The following SOCS2 variants were observed in gnomAD, a reference collection of about 807,000 sequenced individuals.
SOCS2 encodes the protein CIS-2.
Under a neutral mutation model 18.6 loss-of-function variants are expected in SOCS2, and 10 were observed. The ratio of observed to expected loss-of-function variants is 0.54; its 90% CI spans 0.33 to 0.91. SOCS2 has a LOEUF of 0.91. Ranked by LOEUF, SOCS2 falls within the 40% of genes least tolerant of loss-of-function variation. SOCS2 has a pLI of 0.02. For missense variants in SOCS2, 231 were observed against 247.2 expected, an observed-to-expected ratio of 0.93 and a Z score of 0.44; for synonymous variants, 104 against 104.0, an observed-to-expected ratio of 1.00 and a Z score of 0.00.
At chr12:93,624,737 C>A in the SOCS2 span, among the ~76,000 whole-genome samples, 1 of 152,122 alleles carries the variant, frequency 6.6e-6, no homozygotes, top group Admixed American at 6.5e-5. Flanking sequence ...TCAGAAATTG[C>A]TGGAACCCAT....
chr12:93,597,672 G>A, the SOCS2 span, among the ~76,000 whole-genome samples: 1 of 152,178 alleles, frequency 6.6e-6, no homozygotes, highest in East Asian at 1.9e-4. Flanking sequence ...CATCAGAAAA[G>A]TACAGGGAAT....
chr12:93,622,245 T>C, the SOCS2 span, among the ~76,000 whole-genome samples: 5 of 152,230 alleles, frequency 3.3e-5, no homozygotes, highest in African/African-American at 1.2e-4. Flanking sequence ...TAGTGTGCCC[T>C]GATTCTGTGG....
chr12:93,601,966 G>C, the SOCS2 span, among the ~76,000 whole-genome samples: 1 of 152,174 alleles, frequency 6.6e-6, no homozygotes, highest in Admixed American at 6.5e-5. Context: ...ATCACTTGCT[G>C]ATGACCATCA....
At chr12:93,610,687 C>T in the SOCS2 span, among the ~76,000 whole-genome samples, 1 of 152,160 alleles carries the variant, frequency 6.6e-6, no homozygotes, top group African/African-American at 2.4e-5. Flanking sequence ...GCCCTGCCAT[C>T]TCTTTTGCCA....
chr12:93,622,396 C>G, the SOCS2 span, among the ~76,000 whole-genome samples: 1 of 152,164 alleles, frequency 6.6e-6, no homozygotes, highest in Non-Finnish European at 1.5e-5. Flanking sequence ...GACTCTTGCT[C>G]CTTTACTGTT....
the SOCS2 span, among the ~76,000 whole-genome samples, chr12:93,589,291 G>C: frequency 2.0e-4 from 31 of 152,254 alleles, no homozygotes; most frequent in Admixed American, 4.6e-4. Context: ...CCTGTTTTGA[G>C]GTCACCATGT....
the SOCS2 span, among the ~76,000 whole-genome samples, chr12:93,599,254 A>G: frequency 6.6e-6 from 1 of 150,776 alleles, no homozygotes; most frequent in Non-Finnish European, 1.5e-5. Flanking sequence ...CTCAGGCTCA[A>G]GCAATCCTCC....
the SOCS2 span, among the ~76,000 whole-genome samples, chr12:93,606,720 T>G: frequency 1.6e-4 from 25 of 152,182 alleles, no homozygotes; most frequent in Admixed American, 1.6e-3. Context: ...TGGTGCAATC[T>G]TGGCTCACTG....
At chr12:93,594,289 A>G in the SOCS2 span, among the ~76,000 whole-genome samples, 6 of 152,190 alleles carry the variant, frequency 3.9e-5, no homozygotes, top group African/African-American at 1.2e-4. Context: ...GAAAATTGCA[A>G]TAGAACAGTT....
the SOCS2 span, among the ~76,000 whole-genome samples, chr12:93,611,941 C>A: frequency 6.6e-6 from 1 of 152,042 alleles, no homozygotes; most frequent in African/African-American, 2.4e-5. Context: ...TCCCTCTGCT[C>A]AGAGAACTGC....
chr12:93,614,413 CTTTCTTCCTTT>C, the SOCS2 span, among the ~76,000 whole-genome samples: 1 of 127,988 alleles, frequency 7.8e-6, no homozygotes, highest in African/African-American at 3.2e-5. Context: ...TTCTTTCTTT[CTTTCTTCCTTT>C]CTTTCCCTTC....
chr12:93,617,511 C>T, the SOCS2 span, among the ~76,000 whole-genome samples: 1 of 152,060 alleles, frequency 6.6e-6, no homozygotes, highest in Non-Finnish European at 1.5e-5. Context: ...AAAAACACCA[C>T]AGTATGTTAA....
the SOCS2 span, among the ~76,000 whole-genome samples, chr12:93,621,925 G>A: frequency 6.6e-6 from 1 of 152,180 alleles, no homozygotes; most frequent in African/African-American, 2.4e-5. Flanking sequence ...AATAGTGCCT[G>A]ACACATATTA....
At chr12:93,592,855 A>G in the SOCS2 span, among the ~76,000 whole-genome samples, 1 of 147,060 alleles carries the variant, frequency 6.8e-6, no homozygotes, top group East Asian at 2.1e-4. Context: ...ACATGGCTCT[A>G]TGCCTTGACT....
chr12:93,609,323 C>G, the SOCS2 span, among the ~76,000 whole-genome samples: 1 of 151,998 alleles, frequency 6.6e-6, no homozygotes, highest in Non-Finnish European at 1.5e-5. Context: ...ACCCGGGAGA[C>G]AGAGGTTGGG....
the SOCS2 span, among the ~76,000 whole-genome samples, chr12:93,620,207 G>T: frequency 1.3e-5 from 2 of 151,908 alleles, no homozygotes; most frequent in Non-Finnish European, 2.9e-5. Flanking sequence ...TAAACAACTT[G>T]TATCATTTTC....
At chr12:93,613,051 C>T in the SOCS2 span, among the ~76,000 whole-genome samples, 2 of 152,164 alleles carry the variant, frequency 1.3e-5, no homozygotes, top group Non-Finnish European at 1.5e-5. Context: ...GTTTAGAGGC[C>T]AATTCAGGAA....
At chr12:93,590,562 C>T in the SOCS2 span, among the ~76,000 whole-genome samples, 3 of 151,078 alleles carry the variant, frequency 2.0e-5, no homozygotes, top group Non-Finnish European at 4.4e-5. Flanking sequence ...TTTGGGAGGC[C>T]GAAGTGGGCG....
the SOCS2 span, among the ~76,000 whole-genome samples, chr12:93,619,539 T>C: frequency 1.3e-5 from 2 of 152,156 alleles, no homozygotes; most frequent in South Asian, 4.2e-4. Flanking sequence ...GAATTAACAT[T>C]TAGGAAGCTC....
Sources: gnomAD v4.1 joint callset for allele counts (sites outside exome capture counted in the v4.1 genomes callset) on GRCh38, gnomAD v4.1.1 for gene constraint, MANE v1.5 for transcripts, NCBI Gene and HGNC (gene_info 2026-07-23, HGNC 2026-07-21) for gene names.